The following TMEM132B variants were observed in gnomAD, a reference collection of about 807,000 sequenced individuals.
TMEM132B encodes transmembrane protein 132B.
Under a neutral mutation model 90.8 loss-of-function variants are expected in TMEM132B, and 18 were observed. That is an observed-to-expected ratio of 0.20 (90% CI 0.14 to 0.29). The LOEUF is 0.29. Among genes scored for constraint, TMEM132B ranks in the 10% least tolerant of loss-of-function variants. The probability of loss-of-function intolerance (pLI) is 1.00; values close to 1 mark genes in which losing one functional copy is unlikely to be tolerated. For synonymous variants in TMEM132B, 504 were observed against 523.3 expected (o/e 0.96, Z 0.50); for missense variants, 1,096 against 1,326.8 (o/e 0.83, Z 2.70).
intron 2 of TMEM132B, among the ~76,000 whole-genome samples, chr12:125,366,994 G>A (rs1053094317): frequency 1.3e-5 from 2 of 151,968 alleles, no homozygotes; most frequent in Non-Finnish European, 2.9e-5. Flanking sequence ...TGTAGTTTTC[G>A]ATCTAGACTT....
intron 2 of TMEM132B, among the ~76,000 whole-genome samples, chr12:125,402,710 A>T (rs553983986): frequency 1.3e-5 from 2 of 152,218 alleles, no homozygotes; most frequent in Non-Finnish European, 1.5e-5. Flanking sequence ...TCTAAGGGCC[A>T]TGTGTGGGCA....
At chr12:125,574,166 G>GT (rs144941636) in intron 4 of TMEM132B, among the ~76,000 whole-genome samples, 22,906 of 145,634 alleles carry the variant, frequency 0.16, 2,105 homozygotes, top group East Asian at 0.45. Flanking sequence ...TGAGCAGTCA[G>GT]TTTTTTTTTT....
At chr12:125,447,292 G>A (rs868851801) in intron 3 of TMEM132B, among the ~76,000 whole-genome samples, 1 of 148,826 alleles carries the variant, frequency 6.7e-6, no homozygotes, top group Non-Finnish European at 1.5e-5. Context: ...GTTTTTTTTT[G>A]AATTAAATGG....
intron 1 of TMEM132B, among the ~76,000 whole-genome samples, chr12:125,313,964 C>A (rs938042707): frequency 6.6e-6 from 1 of 151,866 alleles, no homozygotes; most frequent in African/African-American, 2.4e-5. Context: ...CTCTTTGTGT[C>A]TCTGTCTTCT....
chr12:125,560,619 G>A (rs1364013959), intron 4 of TMEM132B, among the ~76,000 whole-genome samples: 4 of 151,294 alleles, frequency 2.6e-5, no homozygotes, highest in South Asian at 2.1e-4. Context: ...TCAGGAGATC[G>A]AGACCATCCT....
intron 4 of TMEM132B, among the ~76,000 whole-genome samples, chr12:125,575,176 C>A (rs528330027): frequency 3.7e-4 from 55 of 148,470 alleles, no homozygotes; most frequent in Middle Eastern, 3.5e-3. Flanking sequence ...CAATTTTACA[C>A]CCCACAGACA....
At chr12:125,454,792 G>T (rs778356410) in intron 3 of TMEM132B, among the ~76,000 whole-genome samples, 1 of 152,106 alleles carries the variant, frequency 6.6e-6, no homozygotes. Context: ...ATGATGCCTC[G>T]CTTGATGTTT....
At chr12:125,188,726 G>A (rs1404034781) in intron 1 of TMEM132B, among the ~76,000 whole-genome samples, 3 of 151,758 alleles carry the variant, frequency 2.0e-5, no homozygotes, top group Non-Finnish European at 4.4e-5. Context: ...ATGCCGTCCG[G>A]GCAGAGCCCC....
In TMEM132B at chr12:125,458,607, A is replaced by C. The variant is rs2136465924; in HGVS notation, c.1106+42930A>C. Reference sequence around the variant, plus strand: ...CAGGTGGAGATCAGATCACACATGGAGCTGGCTCAGGACCCCTGGAAATGA... The same window carrying C: ...CAGGTGGAGATCAGATCACACATGGCGCTGGCTCAGGACCCCTGGAAATGA... On this transcript the variant is annotated intron_variant, in intron 3 of 8. Coordinates refer to ENST00000682704, the MANE Select transcript of TMEM132B (RefSeq NM_001366854.1). This position sits in a 1 kb window ranked among gnomAD's most constrained non-coding sequence, Gnocchi z 4.9. Among the ~76,000 whole-genome samples, 1 of 152,134 alleles carries C rather than the reference A, an allele frequency of 6.6e-6. No individual in the cohort carries two copies. Among genetic ancestry groups the C allele is most frequent in the African/African-American group, 2.4e-5 (1 of 41,516 alleles).
chr12:125,324,348 C>G (rs946009994), intron 1 of TMEM132B, among the ~76,000 whole-genome samples: 2 of 152,160 alleles, frequency 1.3e-5, no homozygotes, highest in African/African-American at 2.4e-5. Flanking sequence ...TTACTGCCTC[C>G]ACGAAGAACC....
At chr12:125,633,441 A>G (rs1169507664) in intron 5 of TMEM132B, among the ~76,000 whole-genome samples, 2 of 152,066 alleles carry the variant, frequency 1.3e-5, no homozygotes, top group Admixed American at 6.5e-5. Flanking sequence ...TATTTAGTTT[A>G]TTTGGTGAGG....
In TMEM132B at chr12:125,595,475, G is replaced by A. The variant is rs190684934; in HGVS notation, c.1437+11481G>A. On this transcript the variant is annotated intron_variant, in intron 5 of 8. Transcript: ENST00000682704. ...CAGGCTTTGTATGTGATAATAACTA[G>A]CGTTTATTGAGCACTTGCTATGTGC... Among the ~76,000 whole-genome samples, 11 of 152,278 alleles carry A rather than the reference G, an allele frequency of 7.2e-5. No individual in the cohort carries two copies. The East Asian group carries it at 2.1e-3, about 29-fold the overall frequency.
Position 125,655,209 on chromosome 12 carries a change from G to A in TMEM132B, c.*499G>A, listed in dbSNP as rs758999785. 5 of 153,034 alleles carry A rather than the reference G, an allele frequency of 3.3e-5. No homozygotes were observed. Among genetic ancestry groups the A allele is most frequent in the Admixed American group, 6.5e-5 (1 of 15,396 alleles). 9.5% of individuals were successfully genotyped at this position (153,034 alleles called of 1,614,324 possible). A position where few individuals can be genotyped will look rare whatever the true frequency, so the allele number is the denominator to read the frequency against. On this transcript the variant is annotated 3_prime_UTR_variant, in exon 9 of 9. Coordinates refer to ENST00000682704, the MANE Select transcript of TMEM132B (RefSeq NM_001366854.1). Reference sequence around the variant, plus strand: ...TTTATATACATTTGCACCTGCACCTGTTCCTTTGACCTCTGGAATTCTTTT... The same window carrying A: ...TTTATATACATTTGCACCTGCACCTATTCCTTTGACCTCTGGAATTCTTTT...
At chr12:125,252,511 C>T (rs1451146168) in intron 1 of TMEM132B, among the ~76,000 whole-genome samples, 1 of 152,150 alleles carries the variant, frequency 6.6e-6, no homozygotes, top group East Asian at 1.9e-4. Context: ...CAGCTATGGC[C>T]AGGGGGTGAG....
Position 125,409,086 on chromosome 12 carries a change from G to T in TMEM132B, c.960-6445G>T, listed in dbSNP as rs140245466. ...CAACTGTTATGGAGAGAATTACTTT[G>T]GGACTTATGTGCTCACAGGTACTCT... On this transcript the variant is annotated intron_variant, in intron 2 of 8. Transcript: ENST00000682704. Among the ~76,000 whole-genome samples, 561 of 152,268 alleles carry T rather than the reference G, an allele frequency of 3.7e-3. 6 individuals are homozygous for T. Among genetic ancestry groups the T allele is most frequent in the African/African-American group, 0.013 (541 of 41,532 alleles).
At chr12:125,194,267 T>TTG (rs942991894) in intron 1 of TMEM132B, among the ~76,000 whole-genome samples, 5 of 138,508 alleles carry the variant, frequency 3.6e-5, no homozygotes, top group East Asian at 4.9e-4. Context: ...AATTAACCCG[T>TTG]TGGTGGGGGG....
intron 2 of TMEM132B, among the ~76,000 whole-genome samples, chr12:125,368,777 C>T (rs1878206690): frequency 6.6e-6 from 1 of 152,128 alleles, no homozygotes; most frequent in Non-Finnish European, 1.5e-5. Context: ...TAGGTAACAA[C>T]ATCTCTTCCC....
At chr12:125,254,682 CTTTTT>C (rs71447039) in intron 1 of TMEM132B, among the ~76,000 whole-genome samples, 1 of 132,358 alleles carries the variant, frequency 7.6e-6, no homozygotes, top group Non-Finnish European at 1.6e-5. Flanking sequence ...CCTCTTCCTA[CTTTTT>C]TTTTTTTTTT....
chr12:125,284,775 C>G (rs1362933955), intron 1 of TMEM132B, among the ~76,000 whole-genome samples: 3 of 152,012 alleles, frequency 2.0e-5, no homozygotes, highest in African/African-American at 7.3e-5. Flanking sequence ...GCCAATGTAG[C>G]TAAAATATCC....
Sources: gnomAD v4.1 joint callset for allele counts (sites outside exome capture counted in the v4.1 genomes callset) on GRCh38, gnomAD v4.1.1 for gene constraint, Gnocchi (gnomAD v3.1) non-coding constraint, MANE v1.5 for transcripts, NCBI Gene and HGNC (gene_info 2026-07-23, HGNC 2026-07-21) for gene names.